The following ELP4 variants were observed in gnomAD, a reference collection of about 807,000 sequenced individuals.
ELP4 encodes elongator complex protein 4.
In ELP4, 51 loss-of-function variants were observed where a neutral mutation model predicts 48.9. The ratio of observed to expected loss-of-function variants is 1.04; its 90% CI spans 0.83 to 1.32. The LOEUF (loss-of-function observed/expected upper bound fraction) is 1.32, where lower values mean the gene tolerates loss of function less well. ELP4 is among the 40% of genes most tolerant of loss of function. The pLI is 0.00. For synonymous variants in ELP4, 210 were observed against 189.2 expected, an observed-to-expected ratio of 1.11 and a Z score of -0.90; for missense variants, 519 against 514.6, an observed-to-expected ratio of 1.01 and a Z score of -0.08.
chr11:31,597,328 G>A (rs1004991605), intron 4 of ELP4, among the ~76,000 whole-genome samples: 3 of 152,160 alleles, frequency 2.0e-5, no homozygotes, highest in Non-Finnish European at 1.5e-5. Flanking sequence ...GAAGCTCTGT[G>A]TAATCAGAAG....
intron 9 of ELP4, chr11:31,652,259 A>G (rs923646583): frequency 3.3e-5 from 5 of 151,854 alleles, no homozygotes; most frequent in Admixed American, 2.6e-4. Context: ...CACATTCTAA[A>G]TAACTTATTT....
At chr11:31,553,144 T>C (rs1246495972) in intron 3 of ELP4, among the ~76,000 whole-genome samples, 1 of 152,230 alleles carries the variant, frequency 6.6e-6, no homozygotes, top group East Asian at 1.9e-4. Flanking sequence ...AATTTACTTC[T>C]GTATTAGTTC....
intron 9 of ELP4, among the ~76,000 whole-genome samples, chr11:31,732,339 G>A (rs1293881247): frequency 5.9e-5 from 9 of 151,994 alleles, no homozygotes; most frequent in Non-Finnish European, 8.8e-5. Flanking sequence ...TGCACTTGAA[G>A]TTAAGTTGTT....
chr11:31,739,424 A>G (rs2134216141), intron 9 of ELP4, among the ~76,000 whole-genome samples: 1 of 152,226 alleles, frequency 6.6e-6, no homozygotes, highest in Middle Eastern at 3.4e-3. Flanking sequence ...GGCTATTTCA[A>G]GTATGATTTT....
intron 9 of ELP4, among the ~76,000 whole-genome samples, chr11:31,657,322 G>A (rs1945458462): frequency 6.6e-6 from 1 of 151,960 alleles, no homozygotes; most frequent in Admixed American, 6.6e-5. Flanking sequence ...AAGTCTGACT[G>A]GCCTGTCTGA....
chr11:31,530,188 T>C (rs1327495859), intron 2 of ELP4, among the ~76,000 whole-genome samples: 1 of 152,202 alleles, frequency 6.6e-6, no homozygotes, highest in Non-Finnish European at 1.5e-5. Flanking sequence ...GACTATTGAC[T>C]AAGTTTTTAA....
At chr11:31,631,917 A>G (rs1015713282) in intron 6 of ELP4, among the ~76,000 whole-genome samples, 1 of 152,114 alleles carries the variant, frequency 6.6e-6, no homozygotes, top group Non-Finnish European at 1.5e-5. Context: ...GTTTTGTTAA[A>G]TATTTTAAGT....
At chr11:31,574,174 TA>T (rs1957230447) in intron 3 of ELP4, among the ~76,000 whole-genome samples, 1 of 152,170 alleles carries the variant, frequency 6.6e-6, no homozygotes. Flanking sequence ...GCTAGTAACA[TA>T]AGAAGTCATG....
chr11:31,719,642 T>G, intron 9 of ELP4: 1 of 393,388 alleles, frequency 2.5e-6, no homozygotes, highest in Non-Finnish European at 4.5e-6. Flanking sequence ...AGTTTTTATG[T>G]AAAAAAGAAA....
chr11:31,720,575 A>G (rs1946940054), intron 9 of ELP4, among the ~76,000 whole-genome samples: 1 of 152,198 alleles, frequency 6.6e-6, no homozygotes, highest in African/African-American at 2.4e-5. Flanking sequence ...GCATAGTAAA[A>G]CTTTACAACT....
At chr11:31,607,759 A>G (rs2134007994) in intron 5 of ELP4, among the ~76,000 whole-genome samples, 1 of 152,302 alleles carries the variant, frequency 6.6e-6, no homozygotes. Context: ...TTATTTTAAC[A>G]TGTTTATCAT....
intron 9 of ELP4, among the ~76,000 whole-genome samples, chr11:31,769,331 G>A (rs1480039842): frequency 6.6e-6 from 1 of 152,096 alleles, no homozygotes; most frequent in Non-Finnish European, 1.5e-5. Context: ...ACTCATTTGT[G>A]TACAGCCAAA....
At chr11:31,547,894 T>C (rs1396733400) in intron 3 of ELP4, among the ~76,000 whole-genome samples, 2 of 152,170 alleles carry the variant, frequency 1.3e-5, no homozygotes, top group Non-Finnish European at 2.9e-5. Flanking sequence ...ACCACATGAT[T>C]ATCTCAATAG....
chr11:31,733,365 T>C (rs1947236919), intron 9 of ELP4, among the ~76,000 whole-genome samples: 1 of 150,226 alleles, frequency 6.7e-6, no homozygotes, highest in African/African-American at 2.5e-5. Flanking sequence ...TACTCCCAGC[T>C]ACTCCAGAGG....
chr11:31,713,728 G>A (rs1434557379), intron 9 of ELP4, among the ~76,000 whole-genome samples: 1 of 152,126 alleles, frequency 6.6e-6, no homozygotes, highest in Non-Finnish European at 1.5e-5. Flanking sequence ...AGATGGAAGA[G>A]TATCTACCCA....
At chr11:31,705,314 A>G (rs1946608349) in intron 9 of ELP4, among the ~76,000 whole-genome samples, 1 of 152,034 alleles carries the variant, frequency 6.6e-6, no homozygotes, top group Admixed American at 6.6e-5. Context: ...CAGTCCCATC[A>G]TGGGGCCCCA....
At position 31,623,365 on chromosome 11, in the gene ELP4, ATATATATAT is replaced by A. The variant is rs1944663280; in HGVS notation, c.654-3744_654-3736del. On this transcript the variant is annotated intron_variant, in intron 5 of 9. Coordinates refer to ENST00000640961, the MANE Select transcript of ELP4 (RefSeq NM_019040.5). ...ATTTATTTTCAGCAAATATATATAT[ATATATATAT>A]ATATATATATATATATAAAACTAGA... Among the ~76,000 whole-genome samples, 5 of 95,774 alleles carry A rather than the reference ATATATATAT, an allele frequency of 5.2e-5. No individual in the cohort carries two copies. In the South Asian group the frequency reaches 2.0e-3, roughly 38 times the overall value. The allele number at this position is 95,774 out of a possible 152,430, so 62.8% of individuals were successfully genotyped here.
chr11:31,696,551 G>C (rs1298239101), intron 9 of ELP4, among the ~76,000 whole-genome samples: 1 of 152,046 alleles, frequency 6.6e-6, no homozygotes, highest in Non-Finnish European at 1.5e-5. Flanking sequence ...TATAATTTCT[G>C]TTCTTTTACA....
intron 9 of ELP4, among the ~76,000 whole-genome samples, chr11:31,736,614 TCAAA>T (rs1947323878): frequency 1.3e-5 from 2 of 152,080 alleles, no homozygotes; most frequent in African/African-American, 4.8e-5. Flanking sequence ...TACAATGAAC[TCAAA>T]CAAATTTACA....
Sources: gnomAD v4.1 joint callset for allele counts (sites outside exome capture counted in the v4.1 genomes callset) on GRCh38, gnomAD v4.1.1 for gene constraint, MANE v1.5 for transcripts, NCBI Gene and HGNC (gene_info 2026-07-23, HGNC 2026-07-21) for gene names.